Variants in SLIT1 observed in about 807,000 individuals in gnomAD.
SLIT1 encodes the protein slit homolog 1 protein.
SLIT1 carries 66 observed loss-of-function variants against 186.1 expected under a neutral mutation model. The ratio of observed to expected loss-of-function variants is 0.35; its 90% CI spans 0.29 to 0.44. The LOEUF is 0.44. Ranked by LOEUF, SLIT1 falls within the 20% of genes least tolerant of loss-of-function variation. The pLI is 1.00. For synonymous variants in SLIT1, 761 were observed against 833.8 expected (o/e 0.91, Z 1.50); for missense variants, 1,638 against 2,037.4 (o/e 0.80, Z 3.77).
chr10:97,110,295 C>T (rs763880752), intron 4 of SLIT1, among the ~76,000 whole-genome samples: 8 of 152,168 alleles, frequency 5.3e-5, no homozygotes, highest in African/African-American at 1.9e-4. Context: ...AGTTGATGCA[C>T]GTGCCCATGA....
At chr10:97,138,083 C>A (rs1224536577) in intron 4 of SLIT1, among the ~76,000 whole-genome samples, 1 of 152,172 alleles carries the variant, frequency 6.6e-6, no homozygotes, top group East Asian at 1.9e-4. Context: ...CCTGGGTCCA[C>A]TTATATTGGA....
At chr10:97,048,748 GAGGCAGGTAGGTGAACAGGTGGGC>G (rs1301427486) in intron 14 of SLIT1, among the ~76,000 whole-genome samples, 183 bp downstream of exon 14, 5 of 151,724 alleles carry the variant, frequency 3.3e-5, no homozygotes, top group Non-Finnish European at 5.9e-5. Context: ...GGCCGGCAGG[GAGGCAGGTAGGTGAACAGGTGGGC>G]AGGCAGGTAG....
chr10:97,064,343 C>G, intron 6 of SLIT1, 104 bp from the exon 7 acceptor site: 1 of 900,022 alleles, frequency 1.1e-6, no homozygotes, highest in Non-Finnish European at 1.8e-6. Flanking sequence ...CTTAAAGTGA[C>G]CAGCACGGGG....
At position 97,004,025 on chromosome 10, in the gene SLIT1, A is replaced by C. The variant is rs1251442205; in HGVS notation, c.3865+43T>G. 4 of 1,556,878 alleles carry C rather than the reference A, an allele frequency of 2.6e-6. No individual in the cohort carries two copies. In the South Asian group the frequency reaches 4.7e-5, roughly 18 times the overall value. ...GGCACCAGCTCTCCTGGCTGGCCTC[A>C]GGCCAGACAGCAAAAGAGGCCCCGC... On this transcript the variant is annotated intron_variant, in intron 34 of 36. Transcript: ENST00000266058. The surrounding 1 kb of genome is among the most constrained non-coding windows in gnomAD (Gnocchi z 5.1).
At chr10:97,170,287 A>C (rs909167777) in intron 1 of SLIT1, among the ~76,000 whole-genome samples, 1 of 152,222 alleles carries the variant, frequency 6.6e-6, no homozygotes, top group Non-Finnish European at 1.5e-5. Context: ...TAAAATGAGG[A>C]TGATGGTAAG....
At position 97,034,492 on chromosome 10, in the gene SLIT1, T is replaced by C; in HGVS notation, c.2417A>G (p.Asn806Ser). The change falls in exon 23 of 37, where the codon AAC (asparagine) becomes AGC (serine). Residue 806 changes from asparagine (N) to serine (S), a missense_variant. Around this residue, in one of 3 missense-constraint regions of SLIT1, gnomAD observed 1,245 missense variants for 1,535.3 expected, o/e 0.81. Transcript: ENST00000266058. ...TCACAGAGTGGTCAGCTGGCTCATG[T>C]TGGTGAAGGAGGAATTGCTTAAGGA... is the stretch of plus-strand genomic sequence containing the variant. The part of the protein sequence containing the change: ...ISSLSNSSFT[N>S]MSQLTTLILS... 1.9e-6 allele frequency: 3 copies of C among 1,613,630 alleles called. No individual in the cohort carries two copies. Among genetic ancestry groups the C allele is most frequent in the Non-Finnish European group, 2.5e-6 (3 of 1,179,660 alleles).
At chr10:97,107,349 T>C (rs1179770869) in intron 4 of SLIT1, among the ~76,000 whole-genome samples, 1 of 152,150 alleles carries the variant, frequency 6.6e-6, no homozygotes, top group Non-Finnish European at 1.5e-5. Flanking sequence ...CCCTCTCCTT[T>C]GTTAAATAAA....
intron 4 of SLIT1, among the ~76,000 whole-genome samples, chr10:97,149,209 C>T (rs890497185): frequency 6.6e-6 from 1 of 152,254 alleles, no homozygotes; most frequent in African/African-American, 2.4e-5. Flanking sequence ...TCAGCCCGCT[C>T]TGGCGAGCAG....
chr10:97,117,646 A>T (rs1849521399), intron 4 of SLIT1, among the ~76,000 whole-genome samples: 1 of 152,198 alleles, frequency 6.6e-6, no homozygotes, highest in South Asian at 2.1e-4. Flanking sequence ...TCGGTTGCTG[A>T]GTCTGAAAAA....
chr10:97,002,132 G>A (rs1455600538), intron 36 of SLIT1, 26 bp downstream of exon 36: 2 of 1,394,476 alleles, frequency 1.4e-6, no homozygotes, highest in South Asian at 1.6e-5. Flanking sequence ...CCCTGGGGAG[G>A]GCACGTCAGG....
At chr10:97,098,767 G>A (rs551141527) in intron 4 of SLIT1, among the ~76,000 whole-genome samples, 11 of 152,310 alleles carry the variant, frequency 7.2e-5, no homozygotes, top group East Asian at 5.8e-4. Context: ...AGTCCCTCAC[G>A]AGGCCACAAT....
At chr10:97,170,635 T>C (rs2636802) in intron 1 of SLIT1, among the ~76,000 whole-genome samples, 111,381 of 152,192 alleles carry the variant, frequency 0.73, 41,606 homozygotes, top group Non-Finnish European at 0.82. Flanking sequence ...CCTATCCTTC[T>C]CCCCAAGGAG....
In SLIT1 at chr10:97,068,962, A is replaced by G. The variant is rs372326147; in HGVS notation, c.414-2876T>C. Among the ~76,000 whole-genome samples the G allele has an allele frequency of 6.6e-6, 1 of 152,146 alleles. No homozygotes were observed. Among genetic ancestry groups the G allele is most frequent in the East Asian group, 1.9e-4 (1 of 5,188 alleles). ...CCTTGTTATCATCTCTTCCTTGCCT[A>G]GAGAGTTCCTTGGCTGCCACATCCT... is the stretch of plus-strand genomic sequence containing the variant. On this transcript the variant is annotated intron_variant, in intron 4 of 36. Transcript: ENST00000266058. The surrounding 1 kb of genome is among the most constrained non-coding windows in gnomAD (Gnocchi z 4.2).
At chr10:97,178,762 G>A (rs896394092) in intron 1 of SLIT1, among the ~76,000 whole-genome samples, 1 of 146,438 alleles carries the variant, frequency 6.8e-6, no homozygotes, top group Non-Finnish European at 1.5e-5. Flanking sequence ...CTATGAGTGT[G>A]TGCGATAGAG....
At chr10:97,164,243 G>A (rs1368641492) in intron 2 of SLIT1, among the ~76,000 whole-genome samples, 1 of 151,990 alleles carries the variant, frequency 6.6e-6, no homozygotes, top group African/African-American at 2.4e-5. Context: ...GGTGGCTTTC[G>A]TGCCCCTGCA....
rs1190987866 is a variant in SLIT1, at chr10:97,064,836, C to A, written c.526G>T (p.Ala176Ser). ...KNQISCIEEGAFRALRGLEVL... is the reference protein window; with the variant it reads ...KNQISCIEEGSFRALRGLEVL... ...TCCAGCCCCCGCAGAGCACGGAAGG[C>A]CCCTTCCTCAATGCAGCTGATCTGG... Residue 176 changes from alanine (A) to serine (S), a missense_variant, in exon 6 of 37, where the codon GCC becomes TCC. This residue lies in a region of SLIT1 where 1,245 missense variants were observed against 1,535.3 expected (regional missense o/e 0.81). Transcript: ENST00000266058. 6.2e-7 allele frequency: 1 copy of A among 1,612,278 alleles called. No homozygotes were observed. Among genetic ancestry groups the A allele is most frequent in the Non-Finnish European group, 8.5e-7 (1 of 1,179,212 alleles).
chr10:97,020,960 T>C (rs1848497270), intron 26 of SLIT1, among the ~76,000 whole-genome samples: 1 of 152,278 alleles, frequency 6.6e-6, no homozygotes, highest in Non-Finnish European at 1.5e-5. Flanking sequence ...GAGCGCATGC[T>C]CTGCTGCGAG....
At chr10:97,030,926 G>T in intron 24 of SLIT1, 98 bp from the exon 25 acceptor site, 1 of 1,021,368 alleles carries the variant, frequency 9.8e-7, no homozygotes, top group Non-Finnish European at 1.5e-6. Context: ...GGGACAGGCC[G>T]TGCCTTCCCT....
chr10:97,120,947 A>G (rs368868886), intron 4 of SLIT1, among the ~76,000 whole-genome samples: 8 of 152,162 alleles, frequency 5.3e-5, no homozygotes, highest in African/African-American at 1.4e-4. Context: ...TATTGTCATG[A>G]CTATTACTAT....
Sources: allele counts gnomAD v4.1 joint callset (sites outside exome capture counted in the v4.1 genomes callset), GRCh38; gene constraint gnomAD v4.1.1; regional missense constraint gnomAD v4.1.1; non-coding constraint Gnocchi (gnomAD v3.1); transcripts MANE v1.5; gene names NCBI Gene and HGNC (gene_info 2026-07-23, HGNC 2026-07-21).